The following PLXNB2 variants were observed in gnomAD, a reference collection of about 807,000 sequenced individuals.
PLXNB2 encodes plexin-B2.
A neutral mutation model predicts 202.6 loss-of-function variants in PLXNB2; 85 were observed. The ratio of observed to expected loss-of-function variants is 0.42; its 90% CI spans 0.35 to 0.50. The LOEUF is 0.50. Ranked by LOEUF, PLXNB2 falls within the 20% of genes least tolerant of loss-of-function variation. The pLI, the probability that PLXNB2 is intolerant of heterozygous loss-of-function variation, is 0.02. For missense variants in PLXNB2, 2,063 were observed against 2,586.2 expected, an observed-to-expected ratio of 0.80 and a Z score of 4.39; for synonymous variants, 1,239 against 1,137.6, an observed-to-expected ratio of 1.09 and a Z score of -1.79.
Position 50,289,634 on chromosome 22 carries a change from G to T in PLXNB2, c.951C>A (p.Asp317Glu), listed in dbSNP as rs767853611. Reference sequence around the variant, plus strand: ...TGGCCTCCATCTTGGCGTGCACCTTGTCCAGCGGGAACAGGCAGAGGCCCG... The same window carrying T: ...TGGCCTCCATCTTGGCGTGCACCTTTTCCAGCGGGAACAGGCAGAGGCCCG... ...PGAGLCLFPL[D>E]KVHAKMEANR... Residue 317 changes from aspartate (D) to glutamate (E), a missense_variant, in exon 3 of 37, where the codon GAC becomes GAA. Around this residue, in one of 2 missense-constraint regions of PLXNB2, gnomAD observed 1,303 missense variants for 1,476.8 expected, o/e 0.88. Coordinates refer to ENST00000359337, the MANE Select transcript of PLXNB2 (RefSeq NM_012401.4). The surrounding 1 kb of genome is among the most constrained non-coding windows in gnomAD (Gnocchi z 8.0). The T allele has an allele frequency of 1.2e-6, 2 of 1,609,574 alleles. No homozygotes were observed. The highest frequency in any genetic ancestry group is 1.7e-6 in the Non-Finnish European group (2 of 1,179,796).
At chr22:50,292,128 G>A (rs1369384605) in intron 2 of PLXNB2, among the ~76,000 whole-genome samples, 1 of 152,136 alleles carries the variant, frequency 6.6e-6, no homozygotes, top group Non-Finnish European at 1.5e-5. Flanking sequence ...ACGAGGTCAG[G>A]AGTTTGAGAC....
At position 50,275,348 on chromosome 22, in the gene PLXNB2, T is replaced by G; in HGVS notation, c.*356A>C. ...CCTCAGATCCCCCAGGGGCCCAACC[T>G]AGGGCATGGAGGCGGCTGCTGGTGC... On this transcript the variant is annotated 3_prime_UTR_variant, in exon 37 of 37. Coordinates refer to ENST00000359337, the MANE Select transcript of PLXNB2 (RefSeq NM_012401.4). 2.2e-6 allele frequency: 1 copy of G among 463,204 alleles called. No individual in the cohort carries two copies. Among genetic ancestry groups the G allele is most frequent in the South Asian group, 1.6e-5 (1 of 64,516 alleles). 28.7% of individuals were successfully genotyped at this position (463,204 alleles called of 1,614,324 possible). A position where few individuals can be genotyped will look rare whatever the true frequency, so the allele number is the denominator to read the frequency against.
Position 50,294,723 on chromosome 22 carries a change from C to T in PLXNB2, c.-18G>A. The T allele has an allele frequency of 1.0e-6, 1 of 985,440 alleles. No individual in the cohort carries two copies. The allele number at this position is 985,440 out of a possible 1,614,324, so 61.0% of individuals were successfully genotyped here. On this transcript the variant is annotated 5_prime_UTR_variant, in exon 2 of 37. Transcript: ENST00000359337. ...TTTCCCAGGTGGGGTACAGACCCCTCACCGAGGCTCCAGTGGTCCAGCTCA... is the reference window on the plus strand; with the variant it reads ...TTTCCCAGGTGGGGTACAGACCCCTTACCGAGGCTCCAGTGGTCCAGCTCA...
rs761021468 is a variant in PLXNB2 at position 50,283,987 on chromosome 22, G to A, written c.2267C>T (p.Thr756Ile). The change falls in exon 14 of 37, where the codon ACC becomes ATC. Residue 756 changes from threonine (T) to isoleucine (I), a missense_variant. This residue lies in a region of PLXNB2 where 1,303 missense variants were observed against 1,476.8 expected (regional missense o/e 0.88). Transcript: ENST00000359337. ...GKNIDSKLHV[T>I]LYNCSFGRSD... ...GCGGCCAAAGGAGCAGTTGTAGAGG[G>A]TCACTGCGGGGAGAGCTGCCGTCAG... 10 of 1,540,168 alleles carry A rather than the reference G, an allele frequency of 6.5e-6. No homozygotes were observed. The East Asian group carries it at 9.7e-5, about 15-fold the overall frequency.
intron 1 of PLXNB2, among the ~76,000 whole-genome samples, chr22:50,306,830 A>G (rs2067901363): frequency 6.6e-6 from 1 of 152,228 alleles, no homozygotes; most frequent in Non-Finnish European, 1.5e-5. Flanking sequence ...GCCTGGCAGG[A>G]AGCCCCAGGG....
intron 1 of PLXNB2, among the ~76,000 whole-genome samples, chr22:50,296,295 G>C (rs760958481): frequency 2.6e-5 from 4 of 151,752 alleles, no homozygotes; most frequent in Non-Finnish European, 5.9e-5. Flanking sequence ...ACAGCCTGAA[G>C]TCCCGGGTAC....
At chr22:50,276,026 G>A in intron 35 of PLXNB2, 63 bp from the exon 36 acceptor site, 4 of 1,488,466 alleles carry the variant, frequency 2.7e-6, no homozygotes, top group East Asian at 2.3e-5. Flanking sequence ...GCTGGCAGGA[G>A]TAGTACGGGA....
Position 50,283,390 on chromosome 22 carries a change from C to T in PLXNB2, c.2626G>A (p.Asp876Asn). 6.2e-7 allele frequency: 1 copy of T among 1,613,252 alleles called. No individual in the cohort carries two copies. The highest frequency in any genetic ancestry group is 8.5e-7 in the Non-Finnish European group (1 of 1,179,944). The change falls in exon 16 of 37, where the codon GAC (aspartate) becomes AAC (asparagine). Residue 876 changes from aspartate (D) to asparagine (N), a missense_variant. Physicochemically the swap from Asp to Asn is conservative, Grantham distance 23. This residue lies in a region of PLXNB2 where 1,303 missense variants were observed against 1,476.8 expected (regional missense o/e 0.88). Coordinates refer to ENST00000359337, the MANE Select transcript of PLXNB2 (RefSeq NM_012401.4). ...GAACGGCCCAGTTTCCCGAAGACGTCCACCTCGACACCCCCCGTGAAAGGC... is the reference window on the plus strand; with the variant it reads ...GAACGGCCCAGTTTCCCGAAGACGTTCACCTCGACACCCCCCGTGAAAGGC... ...ETPFTGGVEV[D>N]VFGKLGRSPP...
At chr22:50,302,260 AG>A (rs2067731519) in intron 1 of PLXNB2, among the ~76,000 whole-genome samples, 1 of 152,170 alleles carries the variant, frequency 6.6e-6, no homozygotes, top group Non-Finnish European at 1.5e-5. Context: ...TGGGCCCCAC[AG>A]GGGCAAACAC....
At position 50,276,464 on chromosome 22, in the gene PLXNB2, C is replaced by A. The variant is rs186044003; in HGVS notation, c.5337+165G>T. ...GCAGGAGCAGCTCATACTCCCCACA[C>A]GCAGCTGTGGCTCACTTCACATGGC... On this transcript the variant is annotated intron_variant, in intron 35 of 36. Coordinates refer to ENST00000359337, the MANE Select transcript of PLXNB2 (RefSeq NM_012401.4). Among the ~76,000 whole-genome samples the A allele has an allele frequency of 1.7e-4, 25 of 144,662 alleles. No homozygotes were observed. In the East Asian group the frequency reaches 4.6e-3, roughly 27 times the overall value. The allele number at this position is 144,662 out of a possible 152,430, so 94.9% of individuals were successfully genotyped here. A position where few individuals can be genotyped will look rare whatever the true frequency, so the allele number is the denominator to read the frequency against.
rs1879737379 is a variant in PLXNB2 at position 50,291,053 on chromosome 22, C to G, written c.-13-456G>C. ...GACCCCTGGACGTTGGAACAGGTGG[C>G]TCACCCATGGGGCAGAGGTGAAGGA... is the stretch of plus-strand genomic sequence containing the variant. On this transcript the variant is annotated intron_variant, in intron 2 of 36. Coordinates refer to ENST00000359337, the MANE Select transcript of PLXNB2 (RefSeq NM_012401.4). This position sits in a 1 kb window ranked among gnomAD's most constrained non-coding sequence, Gnocchi z 4.3. 6.6e-6 allele frequency among the ~76,000 whole-genome samples: 1 copy of G among 152,190 alleles called. No individual in the cohort carries two copies. The highest frequency in any genetic ancestry group is 2.1e-4 in the South Asian group (1 of 4,832).
At chr22:50,282,342 G>A (rs764277383) in intron 18 of PLXNB2, 29 bp from the exon 19 acceptor site, 57 of 1,568,794 alleles carry the variant, frequency 3.6e-5, no homozygotes, top group Non-Finnish European at 4.4e-5. Flanking sequence ...TCGTGGGCTC[G>A]GCTGGCAGGG....
At chr22:50,287,347 G>A (rs1034823332) in intron 7 of PLXNB2, 83 bp from the exon 8 acceptor site, 11 of 1,390,306 alleles carry the variant, frequency 7.9e-6, no homozygotes, top group Non-Finnish European at 1.1e-5. Flanking sequence ...CCCTGCGTGT[G>A]TGGGCGCACG....
chr22:50,302,147 A>G (rs1436111525), intron 1 of PLXNB2, among the ~76,000 whole-genome samples: 2 of 151,980 alleles, frequency 1.3e-5, no homozygotes, highest in African/African-American at 4.8e-5. Context: ...TCAGCAGGGG[A>G]GAGGGGCTGC....
At chr22:50,292,282 G>C (rs1190763097) in intron 2 of PLXNB2, among the ~76,000 whole-genome samples, 1 of 145,416 alleles carries the variant, frequency 6.9e-6, no homozygotes, top group African/African-American at 2.6e-5. Flanking sequence ...AGGTTGCAGC[G>C]AGCCAAGATT....
chr22:50,278,032 C>A lies in PLXNB2; in HGVS notation c.4888-19G>T. 6.2e-7 allele frequency: 1 copy of A among 1,608,690 alleles called. No homozygotes were observed. The highest frequency in any genetic ancestry group is 8.5e-7 in the Non-Finnish European group (1 of 1,176,884). Reference sequence around the variant, plus strand: ...GTGTGCCCTGTGGGGGGGAGGGTCTCAGCGTGACGCCGTGGGCGCGGCTCC... The same window carrying A: ...GTGTGCCCTGTGGGGGGGAGGGTCTAAGCGTGACGCCGTGGGCGCGGCTCC... On this transcript the variant is annotated intron_variant, in intron 31 of 36. Coordinates refer to ENST00000359337, the MANE Select transcript of PLXNB2 (RefSeq NM_012401.4).
At chr22:50,299,697 G>C (rs924131279) in intron 1 of PLXNB2, among the ~76,000 whole-genome samples, 55 of 152,262 alleles carry the variant, frequency 3.6e-4, no homozygotes, top group African/African-American at 1.3e-3. Context: ...ACTGGGTGGA[G>C]AGCGCGCGGG....
In PLXNB2 at chr22:50,279,708, C is replaced by T. The variant is rs1419935791; in HGVS notation, c.4311G>A (p.Val1437=). 6.2e-7 allele frequency: 1 copy of T among 1,613,990 alleles called. No homozygotes were observed. The highest frequency in any genetic ancestry group is 1.7e-5 in the Admixed American group (1 of 60,032). The change falls in exon 27 of 37, where the codon GTG becomes GTA. Residue 1437 remains valine (V), a synonymous_variant. Transcript: ENST00000359337. ...ACTTGGCCTTCTTCTGTACCGCATCCACCGGGCCCTTTTCCACCTGATGTT... is the reference window on the plus strand; with the variant it reads ...ACTTGGCCTTCTTCTGTACCGCATCTACCGGGCCCTTTTCCACCTGATGTT... ...AIKHQVEKGP[V]DAVQKKAKYT... is the part of the protein sequence containing the mutation.
In PLXNB2 at chr22:50,289,679, C is replaced by T. The variant is rs772832766; in HGVS notation, c.906G>A (p.Arg302=). 78 of 1,610,204 alleles carry T rather than the reference C, an allele frequency of 4.8e-5. No individual in the cohort carries two copies. Among genetic ancestry groups the T allele is most frequent in the Non-Finnish European group, 6.4e-5 (76 of 1,179,836 alleles). Residue 302 remains arginine, a synonymous_variant, in exon 3 of 37, where the codon CGG becomes CGA. Coordinates refer to ENST00000359337, the MANE Select transcript of PLXNB2 (RefSeq NM_012401.4). This position sits in a 1 kb window ranked among gnomAD's most constrained non-coding sequence, Gnocchi z 8.0. ...GGCCCGCACCGGGCCCCCCACTGCT[C>T]CGGCTGTCTCTGCTGAAGACAGCAT... ...VLYAVFSRDS[R]SSGGPGAGLC...
Sources: gnomAD v4.1 joint callset for allele counts (sites outside exome capture counted in the v4.1 genomes callset) on GRCh38, gnomAD v4.1.1 for gene constraint, gnomAD v4.1.1 regional missense constraint, Gnocchi (gnomAD v3.1) non-coding constraint, MANE v1.5 for transcripts, NCBI Gene and HGNC (gene_info 2026-07-23, HGNC 2026-07-21) for gene names.